Variants in EBPL observed in about 807,000 individuals in gnomAD.
EBPL encodes emopamil-binding protein-like.
In EBPL, 20 loss-of-function variants were observed where a neutral mutation model predicts 19.0. The ratio of observed to expected loss-of-function variants is 1.05; its 90% CI spans 0.74 to 1.53. The LOEUF is 1.53. EBPL is among the 40% of genes most tolerant of loss of function. The probability of loss-of-function intolerance (pLI) is 0.00; values close to 1 mark genes in which losing one functional copy is unlikely to be tolerated. For missense variants in EBPL, 219 were observed against 261.1 expected, an observed-to-expected ratio of 0.84 and a Z score of 1.11; for synonymous variants, 107 against 117.0, an observed-to-expected ratio of 0.91 and a Z score of 0.55.
chr13:49,663,200 A>C lies in EBPL; in HGVS notation c.242-5T>G, dbSNP rs1237636086. On this transcript the variant is annotated splice_polypyrimidine_tract_variant and splice_region_variant and intron_variant, in intron 2 of 3. Coordinates refer to ENST00000242827, the MANE Select transcript of EBPL (RefSeq NM_032565.5). ...CAGCTTTGCCATATTCTTTCCCTAA[A>C]GACAAAATCCATGTTGTTACTCAAA... 1 of 1,613,544 alleles carries C rather than the reference A, an allele frequency of 6.2e-7. No individual in the cohort carries two copies. The highest frequency in any genetic ancestry group is 2.2e-5 in the East Asian group (1 of 44,868).
chr13:49,675,880 T>TG (rs1953870457), intron 1 of EBPL, among the ~76,000 whole-genome samples: 1 of 150,210 alleles, frequency 6.7e-6, no homozygotes, highest in African/African-American at 2.5e-5. Context: ...TTGTTATTGT[T>TG]TTTTTTTTTT....
intron 1 of EBPL, among the ~76,000 whole-genome samples, chr13:49,679,056 C>T (rs1479700349): frequency 4.8e-5 from 7 of 147,098 alleles, no homozygotes; most frequent in African/African-American, 1.8e-4. Flanking sequence ...TCTGCTCTAA[C>T]CACACAAAGA....
chr13:49,670,972 T>A (rs1239527962), intron 1 of EBPL, among the ~76,000 whole-genome samples: 2 of 152,232 alleles, frequency 1.3e-5, no homozygotes, highest in Non-Finnish European at 2.9e-5. Context: ...TTTCCCTGTT[T>A]TATCTGTAAC....
intron 1 of EBPL, among the ~76,000 whole-genome samples, chr13:49,688,692 C>G (rs1348190498): frequency 3.1e-5 from 4 of 129,910 alleles, no homozygotes; most frequent in Non-Finnish European, 6.1e-5. Flanking sequence ...GCACTCCAGT[C>G]TGGGTAATAG....
intron 2 of EBPL, among the ~76,000 whole-genome samples, chr13:49,663,454 C>T (rs1344006792): frequency 4.6e-5 from 7 of 152,164 alleles, no homozygotes; most frequent in Non-Finnish European, 8.8e-5. Context: ...TACACGCCCT[C>T]CTCAGCCCCA....
At chr13:49,686,953 A>G (rs6561553) in intron 1 of EBPL, among the ~76,000 whole-genome samples, 128,302 of 152,044 alleles carry the variant, frequency 0.84, 54,288 homozygotes, top group South Asian at 0.92. Context: ...GCAGCACCAC[A>G]CCCAGCTAAT....
At chr13:49,678,476 G>A (rs1249288159) in intron 1 of EBPL, among the ~76,000 whole-genome samples, 3 of 152,202 alleles carry the variant, frequency 2.0e-5, no homozygotes, top group Non-Finnish European at 4.4e-5. Context: ...GCTCAGGCCC[G>A]GCGAGAATTC....
intron 2 of EBPL, among the ~76,000 whole-genome samples, chr13:49,663,764 T>C (rs956076403): frequency 6.7e-5 from 10 of 149,186 alleles, no homozygotes; most frequent in African/African-American, 9.9e-5. Flanking sequence ...GGTGAAACCC[T>C]GTCTCTACTA....
chr13:49,677,002 C>T (rs964251777), intron 1 of EBPL, among the ~76,000 whole-genome samples: 3 of 152,074 alleles, frequency 2.0e-5, no homozygotes, highest in Non-Finnish European at 4.4e-5. Flanking sequence ...TAAAAAAATG[C>T]TCTCGTTTGA....
rs1282924994 is a variant in EBPL at position 49,691,291 on chromosome 13, A to G, written c.134T>C (p.Ile45Thr). The G allele has an allele frequency of 7.2e-7, 1 of 1,391,544 alleles. No individual in the cohort carries two copies. Among genetic ancestry groups the G allele is most frequent in the Non-Finnish European group, 9.4e-7 (1 of 1,067,216 alleles). 86.2% of individuals were successfully genotyped at this position (1,391,544 alleles called of 1,614,324 possible). The change falls in exon 1 of 4, where the codon ATC (isoleucine) becomes ACC (threonine). Residue 45 changes from isoleucine to threonine, a missense_variant. Physicochemically the swap from Ile to Thr is moderately conservative, Grantham distance 89 (BLOSUM62 -1). This residue lies in a region of EBPL where 170 missense variants were observed against 167.0 expected (regional missense o/e 1.02). Transcript: ENST00000242827. ...CACCAGCGCGTCGTAGCAGAGCCAG[A>G]TGAGCGCCCCGCGGTCCGCCGCCCC... ...GQGAADRGAL[I>T]WLCYDALVHF...
chr13:49,678,821 G>A (rs1237318796), intron 1 of EBPL, among the ~76,000 whole-genome samples: 2 of 151,910 alleles, frequency 1.3e-5, no homozygotes, highest in East Asian at 3.9e-4. Flanking sequence ...CTGTTAGCAC[G>A]TTGTCACCTC....
intron 1 of EBPL, among the ~76,000 whole-genome samples, chr13:49,679,904 T>C (rs1404174651): frequency 2.6e-5 from 4 of 152,088 alleles, no homozygotes; most frequent in African/African-American, 9.7e-5. Flanking sequence ...TATTAGTCAA[T>C]ATATGTCTAG....
At chr13:49,668,741 C>T (rs1953775463) in intron 2 of EBPL, among the ~76,000 whole-genome samples, 1 of 151,892 alleles carries the variant, frequency 6.6e-6, no homozygotes, top group Non-Finnish European at 1.5e-5. Flanking sequence ...TATTGACTGA[C>T]AATGAGCATG....
chr13:49,669,696 T>TA lies in EBPL; in HGVS notation c.241+80dup, dbSNP rs1279854491. ...ATTTCATATAAATGAAGTCATACAG[T>TA]ATATAATAGAGGCGTTTGACAGTCA... On this transcript the variant is annotated intron_variant, in intron 2 of 3. Transcript: ENST00000242827. 5 of 1,185,422 alleles carry TA rather than the reference T, an allele frequency of 4.2e-6. No individual in the cohort carries two copies. In the East Asian group the frequency reaches 1.2e-4, roughly 28 times the overall value. 73.4% of individuals were successfully genotyped at this position (1,185,422 alleles called of 1,614,324 possible).
intron 2 of EBPL, among the ~76,000 whole-genome samples, chr13:49,663,796 G>A (rs1427284605): frequency 6.6e-6 from 1 of 151,928 alleles, no homozygotes; most frequent in African/African-American, 2.4e-5. Context: ...AATTAGCCAG[G>A]CATGGTGGCG....
In EBPL at chr13:49,674,904, C is replaced by T. The variant is rs911027728; in HGVS notation, c.172-5058G>A. On this transcript the variant is annotated intron_variant, in intron 1 of 3. Transcript: ENST00000242827. ...ACATTAACAATGTGTGCAACCATCG[C>T]CACCATCCATTTCCAGAACTCTTCA... Among the ~76,000 whole-genome samples the T allele has an allele frequency of 6.3e-4, 96 of 152,178 alleles. 1 individual carries two copies. The highest frequency in any genetic ancestry group is 1.9e-3 in the African/African-American group (79 of 41,450).
chr13:49,662,789 C>G (rs961514855), intron 3 of EBPL, among the ~76,000 whole-genome samples: 2 of 152,032 alleles, frequency 1.3e-5, no homozygotes, highest in Non-Finnish European at 2.9e-5. Flanking sequence ...TGTGCCACCA[C>G]GCCTAATTTT....
chr13:49,660,907 A>C lies in EBPL; in HGVS notation c.*61T>G, dbSNP rs753931178. On this transcript the variant is annotated 3_prime_UTR_variant, in exon 4 of 4. Coordinates refer to ENST00000242827, the MANE Select transcript of EBPL (RefSeq NM_032565.5). ...GGAATGTATTACATTTTGGCCAAAC[A>C]AAAAGATTTGATTCATTCTGGTTCA... 1.1e-5 allele frequency: 16 copies of C among 1,457,980 alleles called. No individual in the cohort carries two copies. The highest frequency in any genetic ancestry group is 1.4e-5 in the Non-Finnish European group (15 of 1,063,418). 90.3% of individuals were successfully genotyped at this position (1,457,980 alleles called of 1,614,324 possible). A position where few individuals can be genotyped will look rare whatever the true frequency, so the allele number is the denominator to read the frequency against.
intron 2 of EBPL, among the ~76,000 whole-genome samples, chr13:49,668,967 C>T (rs1362561422): frequency 6.6e-6 from 1 of 150,810 alleles, no homozygotes. Context: ...GCAAGCTCCA[C>T]CTCCTGGGTT....
Sources: allele counts gnomAD v4.1 joint callset (sites outside exome capture counted in the v4.1 genomes callset), GRCh38; gene constraint gnomAD v4.1.1; regional missense constraint gnomAD v4.1.1; transcripts MANE v1.5; gene names NCBI Gene and HGNC (gene_info 2026-07-23, HGNC 2026-07-21).